EIF4E3: variants seen among roughly 807,000 people sequenced by gnomAD.
EIF4E3 encodes eukaryotic translation initiation factor 4E family member 3.
EIF4E3 carries 26 observed loss-of-function variants against 31.7 expected under a neutral mutation model. The observed-to-expected ratio is 0.82, with a 90% CI of 0.60 to 1.14. EIF4E3 has a LOEUF of 1.14. Ranked by LOEUF, EIF4E3 falls within the 50% of genes most tolerant of loss-of-function variation. EIF4E3 has a pLI of 0.00. For synonymous variants in EIF4E3, 128 were observed against 107.7 expected (o/e 1.19, Z -1.17); for missense variants, 304 against 270.9 (o/e 1.12, Z -0.86).
At chr3:71,705,622 G>A (rs2049281516) in intron 2 of EIF4E3, among the ~76,000 whole-genome samples, 1 of 152,192 alleles carries the variant, frequency 6.6e-6, no homozygotes, top group Non-Finnish European at 1.5e-5. Flanking sequence ...AATAACTGAT[G>A]TTCGAGACAG....
intron 2 of EIF4E3, among the ~76,000 whole-genome samples, chr3:71,706,215 G>C (rs1451322410): frequency 6.6e-6 from 1 of 152,148 alleles, no homozygotes; most frequent in Non-Finnish European, 1.5e-5. Context: ...GTAAAAGAAA[G>C]AGAATTGGAC....
At chr3:71,669,803 A>T in the EIF4E3 span, among the ~76,000 whole-genome samples, 1 of 152,206 alleles carries the variant, frequency 6.6e-6, no homozygotes, top group Non-Finnish European at 1.5e-5. Flanking sequence ...TAGCAGAACA[A>T]AAAAAGGAGA....
At chr3:71,699,058 CAAAAATA>C (rs1287860922) in intron 3 of EIF4E3, among the ~76,000 whole-genome samples, 3 of 151,586 alleles carry the variant, frequency 2.0e-5, no homozygotes, top group African/African-American at 7.3e-5. Context: ...CCATCTCTAC[CAAAAATA>C]AAAAATAAAA....
intron 1 of EIF4E3, among the ~76,000 whole-genome samples, chr3:71,714,212 C>CA (rs1237701086): frequency 3.3e-5 from 4 of 120,262 alleles, no homozygotes; most frequent in South Asian, 2.7e-4. Flanking sequence ...AACTCCATCT[C>CA]AAAAAAAAGA....
chr3:71,663,612 T>C, the EIF4E3 span, among the ~76,000 whole-genome samples: 16 of 152,314 alleles, frequency 1.1e-4, no homozygotes, highest in South Asian at 2.7e-3. Context: ...GGCCTAGATA[T>C]TGGGGTGAGG....
Position 71,678,884 on chromosome 3 carries a change from C to T in EIF4E3, c.*5798G>A, listed in dbSNP as rs985527022. The T allele has an allele frequency of 1.3e-5, 2 of 152,136 alleles. No homozygotes were observed. The highest frequency in any genetic ancestry group is 1.3e-4 in the Admixed American group (2 of 15,266). 9.4% of individuals were successfully genotyped at this position (152,136 alleles called of 1,614,324 possible). A position where few individuals can be genotyped will look rare whatever the true frequency, so the allele number is the denominator to read the frequency against. On this transcript the variant is annotated 3_prime_UTR_variant, in exon 7 of 7. Transcript: ENST00000425534. ...TAGCTGTCTCAAGCTAAAGTATGCTCACTAGTTTAAATTTTGAAATTCTTT... is the reference window on the plus strand; with the variant it reads ...TAGCTGTCTCAAGCTAAAGTATGCTTACTAGTTTAAATTTTGAAATTCTTT...
chr3:71,699,819 C>G, intron 2 of EIF4E3, 111 bp from the exon 3 acceptor site: 1 of 828,366 alleles, frequency 1.2e-6, no homozygotes, highest in South Asian at 1.7e-5. Context: ...ATTGTTTTAT[C>G]CATTCAAAAT....
chr3:71,721,322 T>C (rs1048027290), intron 1 of EIF4E3, among the ~76,000 whole-genome samples: 4 of 152,172 alleles, frequency 2.6e-5, no homozygotes, highest in Non-Finnish European at 4.4e-5. Flanking sequence ...TCTGCCCTCA[T>C]GAGGTTTACA....
chr3:71,662,175 G>C, the EIF4E3 span, among the ~76,000 whole-genome samples: 5 of 152,192 alleles, frequency 3.3e-5, no homozygotes, highest in Non-Finnish European at 5.9e-5. Flanking sequence ...CATACTGTAA[G>C]GGCAAGGTGG....
At chr3:71,726,423 CT>C (rs141094038), upstream of EIF4E3, among the ~76,000 whole-genome samples, 5,882 of 152,246 alleles carry the variant, frequency 0.039, 386 homozygotes, top group African/African-American at 0.13. Flanking sequence ...CTGTCACTTT[CT>C]TTTTCAAAAG....
chr3:71,659,482 C>G, the EIF4E3 span, among the ~76,000 whole-genome samples: 1 of 152,184 alleles, frequency 6.6e-6, no homozygotes, highest in Non-Finnish European at 1.5e-5. Context: ...GGGCACAGAT[C>G]GTCTTCTTGA....
At chr3:71,735,263 G>C (rs2049750845) in intron 1 of EIF4E3, among the ~76,000 whole-genome samples, 1 of 152,128 alleles carries the variant, frequency 6.6e-6, no homozygotes, top group Non-Finnish European at 1.5e-5. Flanking sequence ...CACAGGCACA[G>C]AGCCTCATTC....
intron 1 of EIF4E3, among the ~76,000 whole-genome samples, chr3:71,722,488 C>T (rs2049567249): frequency 1.3e-5 from 2 of 152,150 alleles, no homozygotes; most frequent in Non-Finnish European, 1.5e-5. Context: ...AGACACATAA[C>T]CCAGAGTGGC....
intron 6 of EIF4E3, among the ~76,000 whole-genome samples, chr3:71,687,421 C>T (rs184055011): frequency 9.2e-5 from 14 of 152,326 alleles, no homozygotes; most frequent in Non-Finnish European, 1.0e-4. Context: ...ATTTGATATT[C>T]ATATAATTTT....
At position 71,713,644 on chromosome 3, in the gene EIF4E3, C is replaced by T. The variant is rs117315616; in HGVS notation, c.177-3160G>A. ...TAGAGGGAGGGTCTTACTATGTTGC[C>T]CAGGCTGGTCTCAAACTCTTGGCCT... On this transcript the variant is annotated intron_variant, in intron 1 of 6. Coordinates refer to ENST00000425534, the MANE Select transcript of EIF4E3 (RefSeq NM_001134651.2). 7.6e-3 allele frequency among the ~76,000 whole-genome samples: 1,152 copies of T among 152,138 alleles called. 27 individuals carry two copies. The East Asian group carries it at 0.095, about 13-fold the overall frequency.
intron 2 of EIF4E3, among the ~76,000 whole-genome samples, chr3:71,708,543 C>A (rs1050380133): frequency 3.3e-5 from 5 of 151,928 alleles, no homozygotes; most frequent in African/African-American, 1.2e-4. Context: ...CCCTAAAATG[C>A]TGTGGATTCA....
In EIF4E3 at chr3:71,737,009, A is replaced by T. The variant is rs917488940; in HGVS notation, c.-290-8386T>A. On this transcript the variant is annotated intron_variant, in intron 1 of 7. Coordinates refer to the EIF4E3 transcript ENST00000295612. ...ATTAAAGAAAAATATCAACAGCAACAATAGCTACCATTTTGTGAATCCTTA... is the reference window on the plus strand; with the variant it reads ...ATTAAAGAAAAATATCAACAGCAACTATAGCTACCATTTTGTGAATCCTTA... Among the ~76,000 whole-genome samples the T allele has an allele frequency of 2.0e-5, 3 of 152,254 alleles. No homozygotes were observed. In the South Asian group the frequency reaches 6.2e-4, roughly 32 times the overall value.
intron 5 of EIF4E3, 72 bp downstream of exon 5, chr3:71,693,803 A>G: frequency 2.2e-6 from 3 of 1,341,760 alleles, no homozygotes; most frequent in East Asian, 5.3e-5. Context: ...CGTGATAACA[A>G]GCTGCTGCAA....
the EIF4E3 span, among the ~76,000 whole-genome samples, chr3:71,663,336 GTAAA>G: frequency 6.8e-3 from 1,030 of 152,304 alleles, 19 homozygotes; most frequent in African/African-American, 0.024. Flanking sequence ...AACACAGAAA[GTAAA>G]TATTTGCTTT....
Sources: gnomAD v4.1 joint callset for allele counts (sites outside exome capture counted in the v4.1 genomes callset) on GRCh38, gnomAD v4.1.1 for gene constraint, MANE v1.5 for transcripts, NCBI Gene and HGNC (gene_info 2026-07-23, HGNC 2026-07-21) for gene names.